AGBL4: variants seen among roughly 807,000 people sequenced by gnomAD.
AGBL4 encodes the protein AGBL carboxypeptidase 4, also known as cytosolic carboxypeptidase 6.
A neutral mutation model predicts 66.4 loss-of-function variants in AGBL4; 58 were observed. The observed-to-expected ratio is 0.87, with a 90% CI of 0.71 to 1.09. AGBL4 has a LOEUF of 1.09. AGBL4 is among the 50% of genes least tolerant of loss of function. The pLI, the probability that AGBL4 is intolerant of heterozygous loss-of-function variation, is 0.00. For synonymous variants in AGBL4, 234 were observed against 222.9 expected (o/e 1.05, Z -0.44); for missense variants, 579 against 631.0 (o/e 0.92, Z 0.88).
At chr1:49,692,316 C>T (rs1169924415) in intron 3 of AGBL4, among the ~76,000 whole-genome samples, 1 of 152,050 alleles carries the variant, frequency 6.6e-6, no homozygotes, top group African/African-American at 2.4e-5. Flanking sequence ...GGTTTAAATC[C>T]ATTGTCTGTG....
At chr1:50,011,888 G>A (rs893707513) in intron 1 of AGBL4, among the ~76,000 whole-genome samples, 3 of 152,290 alleles carry the variant, frequency 2.0e-5, no homozygotes, top group South Asian at 2.1e-4. Context: ...GGCCGGGCGC[G>A]ATGGCTCACG....
intron 2 of AGBL4, among the ~76,000 whole-genome samples, chr1:49,723,053 A>T (rs2124691483): frequency 6.6e-6 from 1 of 152,208 alleles, no homozygotes; most frequent in Non-Finnish European, 1.5e-5. Flanking sequence ...CATAACTCTT[A>T]TCCTTTTTTT....
chr1:48,772,437 A>G (rs1557977198), intron 6 of AGBL4, among the ~76,000 whole-genome samples: 1 of 152,158 alleles, frequency 6.6e-6, no homozygotes, highest in South Asian at 2.1e-4. Flanking sequence ...CAGAGGCCCC[A>G]TATCAGACAA....
chr1:48,955,435 TCTC>T (rs1266768023), intron 5 of AGBL4, among the ~76,000 whole-genome samples: 1 of 152,202 alleles, frequency 6.6e-6, no homozygotes, highest in African/African-American at 2.4e-5. Context: ...ATTTCCTCTC[TCTC>T]CTCCTTTCCT....
chr1:49,340,291 A>C (rs1645513771), intron 3 of AGBL4, among the ~76,000 whole-genome samples: 1 of 151,680 alleles, frequency 6.6e-6, no homozygotes, highest in Admixed American at 6.6e-5. Flanking sequence ...TCAGATGTCT[A>C]TATTTGTACT....
chr1:48,589,745 G>A (rs937575527), intron 10 of AGBL4, among the ~76,000 whole-genome samples: 2 of 152,168 alleles, frequency 1.3e-5, no homozygotes, highest in Non-Finnish European at 2.9e-5. Flanking sequence ...ATAATGCAGT[G>A]AGGATAGAAA....
At chr1:49,257,900 G>C (rs1182599020) in intron 3 of AGBL4, among the ~76,000 whole-genome samples, 1 of 152,118 alleles carries the variant, frequency 6.6e-6, no homozygotes, top group Non-Finnish European at 1.5e-5. Context: ...CAGCCTAACT[G>C]GGAGGCACCC....
intron 2 of AGBL4, among the ~76,000 whole-genome samples, chr1:49,785,590 A>G (rs1644432882): frequency 6.6e-6 from 1 of 151,998 alleles, no homozygotes; most frequent in African/African-American, 2.4e-5. Flanking sequence ...GGTGGCAATG[A>G]TAACAATGAT....
intron 4 of AGBL4, among the ~76,000 whole-genome samples, chr1:49,243,297 C>A (rs988916915): frequency 6.6e-6 from 1 of 151,570 alleles, no homozygotes; most frequent in Non-Finnish European, 1.5e-5. Context: ...TTGAGATCTA[C>A]GAGGTATTTT....
intron 4 of AGBL4, among the ~76,000 whole-genome samples, chr1:49,071,093 C>T (rs1482388399): frequency 6.6e-6 from 1 of 151,644 alleles, no homozygotes. Context: ...GGTGATATCC[C>T]CTTTATCATT....
At chr1:49,865,625 C>A (rs553321212) in intron 1 of AGBL4, among the ~76,000 whole-genome samples, 28 of 152,032 alleles carry the variant, frequency 1.8e-4, no homozygotes, top group Non-Finnish European at 3.5e-4. Context: ...AGATAGAAAC[C>A]AGATAAACTC....
At chr1:49,552,671 G>A (rs1333943844) in intron 3 of AGBL4, among the ~76,000 whole-genome samples, 8 of 152,178 alleles carry the variant, frequency 5.3e-5, no homozygotes, top group African/African-American at 1.9e-4. Context: ...CTGGGTCCTG[G>A]AGTAGCAGTC....
chr1:49,483,781 T>C (rs548812080), intron 3 of AGBL4, among the ~76,000 whole-genome samples: 3 of 151,482 alleles, frequency 2.0e-5, no homozygotes, highest in African/African-American at 4.8e-5. Context: ...AAGAAACTTA[T>C]GCACAGTATA....
intron 3 of AGBL4, among the ~76,000 whole-genome samples, chr1:49,352,114 G>A (rs1351015873): frequency 1.3e-5 from 2 of 152,038 alleles, no homozygotes; most frequent in South Asian, 2.1e-4. Context: ...TTTAAGATCC[G>A]GCTTAAACCA....
rs1644126261 is a variant in AGBL4, at chr1:48,759,259, T to G, written c.635-96018A>C. On this transcript the variant is annotated intron_variant, in intron 6 of 13. Coordinates refer to ENST00000371839, the MANE Select transcript of AGBL4 (RefSeq NM_032785.4). ...TGCCTCGATGCTCTTGTGCGCCACT[T>G]CGCTCGGCTTCCGCCCCTCAGGTCT... The G allele has an allele frequency of 6.4e-7, 1 of 1,565,786 alleles. No homozygotes were observed. The highest frequency in any genetic ancestry group is 1.4e-5 in the African/African-American group (1 of 73,618).
At chr1:48,908,807 A>T (rs1652838667) in intron 5 of AGBL4, among the ~76,000 whole-genome samples, 1 of 152,158 alleles carries the variant, frequency 6.6e-6, no homozygotes, top group Admixed American at 6.5e-5. Context: ...GTTTCTAACA[A>T]CTCAGCAAAT....
intron 3 of AGBL4, among the ~76,000 whole-genome samples, chr1:49,302,470 G>C (rs1270160985): frequency 6.6e-6 from 1 of 151,838 alleles, no homozygotes; most frequent in Non-Finnish European, 1.5e-5. Flanking sequence ...AGCCAGGCTA[G>C]TCTCAAACTC....
At chr1:49,095,499 C>A (rs576379960) in intron 4 of AGBL4, among the ~76,000 whole-genome samples, 1 of 152,148 alleles carries the variant, frequency 6.6e-6, no homozygotes, top group Admixed American at 6.5e-5. Flanking sequence ...AGATATAGAC[C>A]AATGGAACAG....
chr1:49,641,453 C>T (rs1645778755), intron 3 of AGBL4, among the ~76,000 whole-genome samples: 1 of 151,996 alleles, frequency 6.6e-6, no homozygotes, highest in African/African-American at 2.4e-5. Context: ...GAAAGTGAAA[C>T]CTTATCACAT....
Sources: gnomAD v4.1 joint callset for allele counts (sites outside exome capture counted in the v4.1 genomes callset) on GRCh38, gnomAD v4.1.1 for gene constraint, MANE v1.5 for transcripts, NCBI Gene and HGNC (gene_info 2026-07-23, HGNC 2026-07-21) for gene names.